GPR52: variants seen among roughly 807,000 people sequenced by gnomAD.
GPR52 encodes the protein G protein-coupled receptor 52.
A neutral mutation model predicts 24.0 loss-of-function variants in GPR52; 8 were observed. The ratio of observed to expected loss-of-function variants is 0.33; its 90% CI spans 0.20 to 0.60. The LOEUF is 0.60. Among genes scored for constraint, GPR52 ranks in the 20% least tolerant of loss-of-function variants. GPR52 has a pLI of 0.82. For missense variants in GPR52, 412 were observed against 447.7 expected (o/e 0.92, Z 0.72); for synonymous variants, 144 against 158.1 (o/e 0.91, Z 0.67).
rs997331133 is a variant in GPR52 at position 174,448,417 on chromosome 1, C to G, written c.306C>G (p.Leu102=). Residue 102 remains leucine, a synonymous_variant, in exon 1 of 1, where the codon CTC becomes CTG. Coordinates refer to ENST00000367685, the MANE Select transcript of GPR52 (RefSeq NM_005684.5). This position sits in a 1 kb window ranked among gnomAD's most constrained non-coding sequence, Gnocchi z 4.2. The stretch of plus-strand genomic sequence containing the variant: ...GCTTGGTTCCTACTCTGTCACTTCT[C>G]CACTACTCCACAGGTGTCCACGAGT... The part of the protein sequence containing the change: ...VSCLVPTLSL[L]HYSTGVHESL... The G allele has an allele frequency of 1.2e-6, 2 of 1,612,522 alleles. No homozygotes were observed. The highest frequency in any genetic ancestry group is 1.1e-5 in the South Asian group (1 of 91,048).
chr1:174,449,295 A>G lies in GPR52; in HGVS notation c.*98A>G. 1 of 1,031,544 alleles carries G rather than the reference A, an allele frequency of 9.7e-7. No individual in the cohort carries two copies. The highest frequency in any genetic ancestry group is 1.6e-5 in the African/African-American group (1 of 62,478). 63.9% of individuals were successfully genotyped at this position (1,031,544 alleles called of 1,614,324 possible). ...TGCCATCAGAGAAATATTTACTTGA[A>G]TAGTTGACTGTAAAATGAAGTATGA... On this transcript the variant is annotated 3_prime_UTR_variant, in exon 1 of 1. Transcript: ENST00000367685.
chr1:174,448,242 C>T lies in GPR52; in HGVS notation c.131C>T (p.Thr44Ile). ...GTGGTGGATGTCTGCATCTTCGAGA[C>T]AGTGGTTATTGTGTTGCTGACATTT... ...YSVVDVCIFE[T>I]VVIVLLTFLI... Residue 44 changes from threonine (T) to isoleucine (I), a missense_variant, in exon 1 of 1, where the codon ACA becomes ATA. By Grantham distance (89) the Thr-to-Ile change is moderately conservative. Coordinates refer to ENST00000367685, the MANE Select transcript of GPR52 (RefSeq NM_005684.5). This position sits in a 1 kb window ranked among gnomAD's most constrained non-coding sequence, Gnocchi z 4.2. 2 of 1,614,034 alleles carry T rather than the reference C, an allele frequency of 1.2e-6. No homozygotes were observed. The highest frequency in any genetic ancestry group is 1.7e-6 in the Non-Finnish European group (2 of 1,179,948).
Position 174,448,051 on chromosome 1 carries a change from TGCTGG to T in GPR52, c.-58_-54del. On this transcript the variant is annotated 5_prime_UTR_variant, in exon 1 of 1. An upstream open reading frame in the 5' UTR gains an earlier in-frame stop. Transcript: ENST00000367685. The surrounding 1 kb of genome is among the most constrained non-coding windows in gnomAD (Gnocchi z 4.2). Reference sequence around the variant, plus strand: ...ACACTCATGTGCGGTGTTTAACAGATGCTGGGCAGGGCATCTGCTTGCTGTAGCCA... The same window carrying T: ...ACACTCATGTGCGGTGTTTAACAGATGCAGGGCATCTGCTTGCTGTAGCCA... 1 of 1,472,604 alleles carries T rather than the reference TGCTGG, an allele frequency of 6.8e-7. No homozygotes were observed. Among genetic ancestry groups the T allele is most frequent in the Non-Finnish European group, 9.3e-7 (1 of 1,074,282 alleles). The allele number at this position is 1,472,604 out of a possible 1,614,324, so 91.2% of individuals were successfully genotyped here.
chr1:174,449,324 T>C lies in GPR52; in HGVS notation c.*127T>C, dbSNP rs915393806. ...TTGACTGTAAAATGAAGTATGAGAC[T>C]AAAGGTTTCTCTCTTTTTTTTTCTT... On this transcript the variant is annotated 3_prime_UTR_variant, in exon 1 of 1. Coordinates refer to ENST00000367685, the MANE Select transcript of GPR52 (RefSeq NM_005684.5). 7.7e-6 allele frequency: 6 copies of C among 782,914 alleles called. No homozygotes were observed. Among genetic ancestry groups the C allele is most frequent in the Admixed American group, 2.9e-5 (1 of 34,320 alleles). The allele number at this position is 782,914 out of a possible 1,614,324, so 48.5% of individuals were successfully genotyped here. A position where few individuals can be genotyped will look rare whatever the true frequency, so the allele number is the denominator to read the frequency against.
In GPR52 at chr1:174,448,177, C is replaced by T. The variant is rs541639206; in HGVS notation, c.66C>T (p.Ser22=). 13 of 1,613,244 alleles carry T rather than the reference C, an allele frequency of 8.1e-6. No homozygotes were observed. The highest frequency in any genetic ancestry group is 2.7e-5 in the African/African-American group (2 of 74,948). ...TGAGCAGTGGCATTGTGAATGTGTCCGAGCGTCACTCCTGCCCACTTGGAT... is the reference window on the plus strand; with the variant it reads ...TGAGCAGTGGCATTGTGAATGTGTCTGAGCGTCACTCCTGCCCACTTGGAT... ...LNMSSGIVNV[S]ERHSCPLGFG... is the part of the protein sequence containing the mutation. Residue 22 remains serine (S), a synonymous_variant, in exon 1 of 1, where the codon TCC becomes TCT. Transcript: ENST00000367685. The surrounding 1 kb of genome is among the most constrained non-coding windows in gnomAD (Gnocchi z 4.2).
Position 174,449,062 on chromosome 1 carries a change from C to T in GPR52, c.951C>T (p.Tyr317=), listed in dbSNP as rs1426755352. The T allele has an allele frequency of 1.2e-6, 2 of 1,613,810 alleles. No homozygotes were observed. The highest frequency in any genetic ancestry group is 1.7e-6 in the Non-Finnish European group (2 of 1,179,818). ...ISNSFCNCVI[Y]SLSNSVFRLG... ...ATAGTTTTTGTAACTGTGTAATATA[C>T]AGCCTCTCCAACAGCGTTTTCCGGC... The change falls in exon 1 of 1, where the codon TAC becomes TAT. Residue 317 remains tyrosine, a synonymous_variant. Transcript: ENST00000367685.
Position 174,448,966 on chromosome 1 carries a change from T to G in GPR52, c.855T>G (p.Phe285Leu). The G allele has an allele frequency of 6.2e-7, 1 of 1,614,092 alleles. No individual in the cohort carries two copies. Among genetic ancestry groups the G allele is most frequent in the Non-Finnish European group, 8.5e-7 (1 of 1,179,940 alleles). ...YMLWLPYIIY[F>L]LLESSRVLDN... ...TGTGGCTCCCCTATATAATTTACTT[T>G]CTTCTAGAAAGCTCCCGGGTCTTGG... The change falls in exon 1 of 1, where the codon TTT (phenylalanine) becomes TTG (leucine). Residue 285 changes from phenylalanine (F) to leucine (L), a missense_variant. Transcript: ENST00000367685. The surrounding 1 kb of genome is among the most constrained non-coding windows in gnomAD (Gnocchi z 4.2).
rs1392567485 is a variant in GPR52 at position 174,448,220 on chromosome 1, G to C, written c.109G>C (p.Val37Leu). ...ACTTGGATTTGGCCACTACAGTGTG[G>C]TGGATGTCTGCATCTTCGAGACAGT... ...CPLGFGHYSV[V>L]DVCIFETVVI... Residue 37 changes from valine (V) to leucine (L), a missense_variant, in exon 1 of 1, where the codon GTG becomes CTG. Transcript: ENST00000367685. This position sits in a 1 kb window ranked among gnomAD's most constrained non-coding sequence, Gnocchi z 4.2. 1 of 1,614,090 alleles carries C rather than the reference G, an allele frequency of 6.2e-7. No homozygotes were observed. Among genetic ancestry groups the C allele is most frequent in the African/African-American group, 1.3e-5 (1 of 75,034 alleles).
At position 174,448,986 on chromosome 1, in the gene GPR52, T is replaced by G. The variant is rs1655121057; in HGVS notation, c.875T>G (p.Val292Gly). ...IIYFLLESSR[V>G]LDNPTLSFLT... ...TACTTTCTTCTAGAAAGCTCCCGGG[T>G]CTTGGACAATCCAACTCTGTCCTTC... The change falls in exon 1 of 1, where the codon GTC (valine) becomes GGC (glycine). Residue 292 changes from valine (V) to glycine (G), a missense_variant. Val to Gly is a moderately radical substitution (Grantham distance 109). Coordinates refer to ENST00000367685, the MANE Select transcript of GPR52 (RefSeq NM_005684.5). This position sits in a 1 kb window ranked among gnomAD's most constrained non-coding sequence, Gnocchi z 4.2. 6.2e-7 allele frequency: 1 copy of G among 1,613,272 alleles called. No individual in the cohort carries two copies. Among genetic ancestry groups the G allele is most frequent in the Non-Finnish European group, 8.5e-7 (1 of 1,179,212 alleles).
Position 174,449,267 on chromosome 1 carries a change from A to G in GPR52, c.*70A>G, listed in dbSNP as rs956882581. ...GATCATATTCTAGATTCATCTGGAA[A>G]TTTGCCATCAGAGAAATATTTACTT... On this transcript the variant is annotated 3_prime_UTR_variant, in exon 1 of 1. Coordinates refer to ENST00000367685, the MANE Select transcript of GPR52 (RefSeq NM_005684.5). The G allele has an allele frequency of 2.3e-6, 3 of 1,300,434 alleles. No homozygotes were observed. The highest frequency in any genetic ancestry group is 3.0e-5 in the African/African-American group (2 of 67,710). 80.6% of individuals were successfully genotyped at this position (1,300,434 alleles called of 1,614,324 possible).
In GPR52 at chr1:174,449,223, T is replaced by C; in HGVS notation, c.*26T>C. The C allele has an allele frequency of 6.6e-7, 1 of 1,523,060 alleles. No individual in the cohort carries two copies. Among genetic ancestry groups the C allele is most frequent in the Non-Finnish European group, 8.8e-7 (1 of 1,137,162 alleles). The allele number at this position is 1,523,060 out of a possible 1,614,324, so 94.3% of individuals were successfully genotyped here. ...AGAGAGCTACATAGTAAATCAAATGTAATCTGACAGTGGTTTTGGATCATA... is the reference window on the plus strand; with the variant it reads ...AGAGAGCTACATAGTAAATCAAATGCAATCTGACAGTGGTTTTGGATCATA... On this transcript the variant is annotated 3_prime_UTR_variant, in exon 1 of 1. Coordinates refer to ENST00000367685, the MANE Select transcript of GPR52 (RefSeq NM_005684.5).
At position 174,448,180 on chromosome 1, in the gene GPR52, G is replaced by A; in HGVS notation, c.69G>A (p.Glu23=). ...NMSSGIVNVS[E]RHSCPLGFGH... ...GCAGTGGCATTGTGAATGTGTCCGAGCGTCACTCCTGCCCACTTGGATTTG... is the reference window on the plus strand; with the variant it reads ...GCAGTGGCATTGTGAATGTGTCCGAACGTCACTCCTGCCCACTTGGATTTG... The change falls in exon 1 of 1, where the codon GAG becomes GAA. Residue 23 remains glutamate, a synonymous_variant. Coordinates refer to ENST00000367685, the MANE Select transcript of GPR52 (RefSeq NM_005684.5). The surrounding 1 kb of genome is among the most constrained non-coding windows in gnomAD (Gnocchi z 4.2). 9 of 1,613,728 alleles carry A rather than the reference G, an allele frequency of 5.6e-6. No homozygotes were observed. Among genetic ancestry groups the A allele is most frequent in the Non-Finnish European group, 6.8e-6 (8 of 1,179,670 alleles).
chr1:174,448,617 C>A lies in GPR52; in HGVS notation c.506C>A (p.Ser169Tyr), dbSNP rs1295716163. 2 of 1,613,960 alleles carry A rather than the reference C, an allele frequency of 1.2e-6. No homozygotes were observed. The highest frequency in any genetic ancestry group is 2.2e-5 in the South Asian group (2 of 91,070). The change falls in exon 1 of 1, where the codon TCC becomes TAC. Residue 169 changes from serine to tyrosine, a missense_variant. Coordinates refer to ENST00000367685, the MANE Select transcript of GPR52 (RefSeq NM_005684.5). The surrounding 1 kb of genome is among the most constrained non-coding windows in gnomAD (Gnocchi z 4.2). ...RICIILIWIY[S>Y]CLIFLPSFFG... The stretch of plus-strand genomic sequence containing the variant: ...TGCATTATTTTGATCTGGATCTACT[C>A]CTGCCTAATTTTCTTGCCTTCCTTT...
chr1:174,448,223 G>T lies in GPR52; in HGVS notation c.112G>T (p.Asp38Tyr). ...TGGATTTGGCCACTACAGTGTGGTGGATGTCTGCATCTTCGAGACAGTGGT... is the reference window on the plus strand; with the variant it reads ...TGGATTTGGCCACTACAGTGTGGTGTATGTCTGCATCTTCGAGACAGTGGT... ...PLGFGHYSVV[D>Y]VCIFETVVIV... The change falls in exon 1 of 1, where the codon GAT becomes TAT. Residue 38 changes from aspartate (D) to tyrosine (Y), a missense_variant. Asp to Tyr is a radical substitution (Grantham distance 160). Transcript: ENST00000367685. The surrounding 1 kb of genome is among the most constrained non-coding windows in gnomAD (Gnocchi z 4.2). 6.2e-7 allele frequency: 1 copy of T among 1,614,060 alleles called. No individual in the cohort carries two copies. The highest frequency in any genetic ancestry group is 8.5e-7 in the Non-Finnish European group (1 of 1,179,964).
In GPR52 at chr1:174,449,170, G is replaced by A. The variant is rs371304678; in HGVS notation, c.1059G>A (p.Arg353=). 3.1e-5 allele frequency: 50 copies of A among 1,605,424 alleles called. No homozygotes were observed. The highest frequency in any genetic ancestry group is 4.2e-5 in the Non-Finnish European group (49 of 1,176,980). The change falls in exon 1 of 1, where the codon AGG becomes AGA. Residue 353 remains arginine (R), a synonymous_variant. Coordinates refer to ENST00000367685, the MANE Select transcript of GPR52 (RefSeq NM_005684.5). ...AGGAAGCACAAGAACCCAAACCTAGGAAACGGGCTAATTCTTGCTCCATTT... is the reference window on the plus strand; with the variant it reads ...AGGAAGCACAAGAACCCAAACCTAGAAAACGGGCTAATTCTTGCTCCATTT... The part of the protein sequence containing the change: ...KDQEAQEPKP[R]KRANSCSI
rs1256090936 is a variant in GPR52 at position 174,449,173 on chromosome 1, A to G, written c.1062A>G (p.Lys354=). The G allele has an allele frequency of 6.2e-7, 1 of 1,604,884 alleles. No individual in the cohort carries two copies. Among genetic ancestry groups the G allele is most frequent in the African/African-American group, 1.3e-5 (1 of 74,480 alleles). The change falls in exon 1 of 1, where the codon AAA becomes AAG. Residue 354 remains lysine (K), a synonymous_variant. Transcript: ENST00000367685. ...DQEAQEPKPR[K]RANSCSI is the part of the protein sequence containing the mutation. ...AAGCACAAGAACCCAAACCTAGGAAACGGGCTAATTCTTGCTCCATTTGAA... is the reference window on the plus strand; with the variant it reads ...AAGCACAAGAACCCAAACCTAGGAAGCGGGCTAATTCTTGCTCCATTTGAA...
Position 174,448,312 on chromosome 1 carries a change from T to C in GPR52, c.201T>C (p.Cys67=). Reference sequence around the variant, plus strand: ...TAACAGTTATCTTTGTCTTTCATTGTGCTCCACTGTTACATCATTATACTA... The same window carrying C: ...TAACAGTTATCTTTGTCTTTCATTGCGCTCCACTGTTACATCATTATACTA... ...GNLTVIFVFH[C]APLLHHYTTS... Residue 67 remains cysteine (C), a synonymous_variant, in exon 1 of 1, where the codon TGT becomes TGC. Transcript: ENST00000367685. The surrounding 1 kb of genome is among the most constrained non-coding windows in gnomAD (Gnocchi z 4.2). 4.3e-6 allele frequency: 7 copies of C among 1,613,140 alleles called. No individual in the cohort carries two copies. Among genetic ancestry groups the C allele is most frequent in the Non-Finnish European group, 5.9e-6 (7 of 1,179,046 alleles).
Position 174,448,881 on chromosome 1 carries a change from A to C in GPR52, c.770A>C (p.His257Pro). 3 of 1,613,662 alleles carry C rather than the reference A, an allele frequency of 1.9e-6. No homozygotes were observed. The highest frequency in any genetic ancestry group is 2.5e-6 in the Non-Finnish European group (3 of 1,179,520). ...GTAGATTCTTCCAGAGAGACTGGACACAGCCCTGACCGTCGCTACGCCATG... is the reference window on the plus strand; with the variant it reads ...GTAGATTCTTCCAGAGAGACTGGACCCAGCCCTGACCGTCGCTACGCCATG... ...HEVDSSRETG[H>P]SPDRRYAMVL... The change falls in exon 1 of 1, where the codon CAC (histidine) becomes CCC (proline). Residue 257 changes from histidine (H) to proline (P), a missense_variant. Physicochemically the swap from His to Pro is moderately conservative, Grantham distance 77. Transcript: ENST00000367685. The surrounding 1 kb of genome is among the most constrained non-coding windows in gnomAD (Gnocchi z 4.2).
rs773876752 is a variant in GPR52, at chr1:174,448,514, A to C, written c.403A>C (p.Ile135Leu). 3.1e-6 allele frequency: 5 copies of C among 1,613,088 alleles called. No individual in the cohort carries two copies. In the South Asian group the frequency reaches 5.5e-5, roughly 18 times the overall value. Residue 135 changes from isoleucine to leucine, a missense_variant, in exon 1 of 1, where the codon ATC becomes CTC. Physicochemically the swap from Ile to Leu is conservative, Grantham distance 5 (BLOSUM62 2). Transcript: ENST00000367685. The surrounding 1 kb of genome is among the most constrained non-coding windows in gnomAD (Gnocchi z 4.2). ...KSVSMACLAC[I>L]SVDRYLAITK... ...TGTTTCTATGGCATGTCTTGCTTGC[A>C]TCAGTGTGGATCGTTATCTTGCAAT...
Sources: allele counts gnomAD v4.1 joint callset, GRCh38; gene constraint gnomAD v4.1.1; non-coding constraint Gnocchi (gnomAD v3.1); transcripts MANE v1.5; gene names NCBI Gene and HGNC (gene_info 2026-07-23, HGNC 2026-07-21).